Variants in SPON2 observed in about 807,000 individuals in gnomAD.
The protein encoded by SPON2 is spondin-2.
SPON2 carries 32 observed loss-of-function variants against 29.9 expected under a neutral mutation model. The observed-to-expected ratio is 1.07, with a 90% CI of 0.81 to 1.44. The LOEUF is 1.44. SPON2 is among the 40% of genes most tolerant of loss of function. SPON2 has a pLI of 0.00. For synonymous variants in SPON2, 248 were observed against 209.1 expected, an observed-to-expected ratio of 1.19 and a Z score of -1.61; for missense variants, 541 against 455.5, an observed-to-expected ratio of 1.19 and a Z score of -1.71.
rs1030937711 is a variant in SPON2 at position 1,167,075 on chromosome 4, G to T, written c.*397C>A. 3 of 179,836 alleles carry T rather than the reference G, an allele frequency of 1.7e-5. No homozygotes were observed. The allele number at this position is 179,836 out of a possible 1,614,324, so 11.1% of individuals were successfully genotyped here. A position where few individuals can be genotyped will look rare whatever the true frequency, so the allele number is the denominator to read the frequency against. On this transcript the variant is annotated 3_prime_UTR_variant, in exon 6 of 6. Coordinates refer to ENST00000290902, the MANE Select transcript of SPON2 (RefSeq NM_012445.4). ...CCCTCGGGAGAGTGGGCTCAGCACA[G>T]CCTAGAGCACCAGGTCTGAGGTATC...
chr4:1,190,445 G>C (rs1727891366), intron 1 of SPON2, among the ~76,000 whole-genome samples: 1 of 152,132 alleles, frequency 6.6e-6, no homozygotes, highest in South Asian at 2.1e-4. Flanking sequence ...TCAGAGGCCA[G>C]TATTACCCTG....
At chr4:1,186,248 A>AC (rs1727802668) in intron 1 of SPON2, among the ~76,000 whole-genome samples, 2 of 151,962 alleles carry the variant, frequency 1.3e-5, no homozygotes, top group Non-Finnish European at 2.9e-5. Flanking sequence ...CGTCTCAAAA[A>AC]AAAAAAAAAA....
Position 1,171,874 on chromosome 4 carries a change from A to G in SPON2, c.198T>C (p.Pro66=), listed in dbSNP as rs573292587. The part of the protein sequence containing the change: ...FPKQYPLFRP[P]AQWSSLLGAA... ...TACCCAGCAGCGAAGACCACTGCGC[A>G]GGGGGGCGGAACAGGGGGTACTGCT... Residue 66 remains proline (P), a synonymous_variant, in exon 2 of 6, where the codon CCT becomes CCC. Transcript: ENST00000290902. 2 of 1,612,560 alleles carry G rather than the reference A, an allele frequency of 1.2e-6. No individual in the cohort carries two copies. Among genetic ancestry groups the G allele is most frequent in the Admixed American group, 3.3e-5 (2 of 60,002 alleles).
chr4:1,188,210 A>T (rs940553909), intron 1 of SPON2, among the ~76,000 whole-genome samples: 7 of 150,312 alleles, frequency 4.7e-5, no homozygotes, highest in African/African-American at 1.7e-4. Context: ...CTCAAAAAAA[A>T]AAAAAAAAAA....
upstream of SPON2, among the ~76,000 whole-genome samples, chr4:1,174,972 T>G (rs76427570): frequency 3.2e-3 from 494 of 152,322 alleles, 2 homozygotes; most frequent in African/African-American, 0.01. Context: ...GGTGCCCTCA[T>G]GCAATGGGCT....
Position 1,167,515 on chromosome 4 carries a change from T to C in SPON2, c.953A>G (p.Glu318Gly). ...GACGCACTCAGCCTCTTCTTCGAGC[T>C]CGGGGCAGGGGCTCCCGTTGTTGGC... ...QPANNGSPCP[E>G]LEEEAECVPD... Residue 318 changes from glutamate (E) to glycine (G), a missense_variant, in exon 6 of 6, where the codon GAG becomes GGG. Transcript: ENST00000290902. 1 of 1,613,790 alleles carries C rather than the reference T, an allele frequency of 6.2e-7. No individual in the cohort carries two copies. The highest frequency in any genetic ancestry group is 8.5e-7 in the Non-Finnish European group (1 of 1,179,974).
intron 2 of SPON2, 59 bp from the exon 3 acceptor site, chr4:1,171,545 T>C (rs985835785): frequency 5.8e-6 from 9 of 1,538,560 alleles, no homozygotes; most frequent in Non-Finnish European, 8.0e-6. Context: ...CGGGCTTGGA[T>C]TCCAGGGGGC....
intron 1 of SPON2, among the ~76,000 whole-genome samples, chr4:1,182,798 T>G (rs1027888373): frequency 2.0e-5 from 3 of 151,770 alleles, no homozygotes; most frequent in Admixed American, 6.6e-5. Context: ...GGAAGACAGA[T>G]AAAAAGACAG....
At position 1,172,036 on chromosome 4, in the gene SPON2, C is replaced by T. The variant is rs1727476433; in HGVS notation, c.36G>A (p.Lys12=). Residue 12 remains lysine, a synonymous_variant, in exon 2 of 6, where the codon AAG becomes AAA. Transcript: ENST00000290902. ...ENPSPAAALG[K]ALCALLLATL... is the part of the protein sequence containing the mutation. ...TGGCCAGGAGGAGAGCGCAGAGGGC[C>T]TTGCCCAGGGCGGCGGCCGGGCTGG... is the stretch of plus-strand genomic sequence containing the variant. 6.2e-7 allele frequency: 1 copy of T among 1,612,468 alleles called. No individual in the cohort carries two copies. The highest frequency in any genetic ancestry group is 8.5e-7 in the Non-Finnish European group (1 of 1,179,792).
chr4:1,167,671 G>A lies in SPON2; in HGVS notation c.812-15C>T, dbSNP rs771699361. 3 of 1,571,318 alleles carry A rather than the reference G, an allele frequency of 1.9e-6. No individual in the cohort carries two copies. The highest frequency in any genetic ancestry group is 1.7e-4 in the Middle Eastern group (1 of 5,892). On this transcript the variant is annotated splice_polypyrimidine_tract_variant and intron_variant, in intron 5 of 5. Transcript: ENST00000290902. ...CGTTTCTGGAACTGGACCAAGCAAA[G>A]GGGAGACCGAGGTGAACGCTCGCGT... is the stretch of plus-strand genomic sequence containing the variant.
chr4:1,175,582 G>T (rs973797612), upstream of SPON2, among the ~76,000 whole-genome samples: 3 of 150,618 alleles, frequency 2.0e-5, no homozygotes, highest in Non-Finnish European at 4.4e-5. Context: ...GGAGTCTCCA[G>T]CTAAGATATA....
At chr4:1,194,160 G>C (rs1727983148) in intron 1 of SPON2, among the ~76,000 whole-genome samples, 1 of 152,248 alleles carries the variant, frequency 6.6e-6, no homozygotes, top group South Asian at 2.1e-4. Context: ...TGGGGAGAGA[G>C]ACACCCTCCG....
chr4:1,188,528 T>G (rs754759683), intron 1 of SPON2, among the ~76,000 whole-genome samples: 3 of 152,200 alleles, frequency 2.0e-5, no homozygotes, highest in Non-Finnish European at 2.9e-5. Flanking sequence ...CTGGAGTGAC[T>G]GTGACAATAT....
chr4:1,172,425 A>C, intron 1 of SPON2, 119 bp downstream of exon 1: 4 of 384,554 alleles, frequency 1.0e-5, no homozygotes, highest in East Asian at 6.1e-5. Context: ...TAGACCCTTA[A>C]AGCTCGGTCG....
Position 1,202,825 on chromosome 4 carries a change from C to T in SPON2, c.-234+5055G>A, listed in dbSNP as rs1026926264. The stretch of plus-strand genomic sequence containing the variant: ...ACCATCGCCTGCAGTGTCAGCGCCC[C>T]GTGGATGCCGTCAAGGCCCCCCGCA... On this transcript the variant is annotated intron_variant, in intron 1 of 3. Transcript: ENST00000509233. This position sits in a 1 kb window ranked among gnomAD's most constrained non-coding sequence, Gnocchi z 5.4. 4.6e-5 allele frequency among the ~76,000 whole-genome samples: 7 copies of T among 152,316 alleles called. No homozygotes were observed. The highest frequency in any genetic ancestry group is 7.4e-5 in the Non-Finnish European group (5 of 68,026).
At chr4:1,203,551 AC>A (rs1577001535) in intron 1 of SPON2, among the ~76,000 whole-genome samples, 2 of 152,200 alleles carry the variant, frequency 1.3e-5, no homozygotes, top group East Asian at 3.9e-4. Context: ...GAATAATGCT[AC>A]CAGGAACATT....
chr4:1,167,529 C>A lies in SPON2; in HGVS notation c.939G>T (p.Gly313=), dbSNP rs780272581. ...CTTCTTCGAGCTCGGGGCAGGGGCT[C>A]CCGTTGTTGGCGGGCTGGACCCGGA... is the stretch of plus-strand genomic sequence containing the variant. The part of the protein sequence containing the change: ...RYVRVQPANN[G]SPCPELEEEA... The change falls in exon 6 of 6, where the codon GGG becomes GGT. Residue 313 remains glycine (G), a synonymous_variant. Transcript: ENST00000290902. The A allele has an allele frequency of 2.5e-6, 4 of 1,613,828 alleles. No individual in the cohort carries two copies. In the East Asian group the frequency reaches 8.9e-5, roughly 36 times the overall value.
chr4:1,192,271 G>A (rs1449756272), intron 1 of SPON2, among the ~76,000 whole-genome samples: 3 of 152,260 alleles, frequency 2.0e-5, no homozygotes, highest in East Asian at 1.9e-4. Context: ...CAGCTCTACT[G>A]AGTGTGGGAC....
At chr4:1,198,304 C>T (rs560976300), upstream of SPON2, among the ~76,000 whole-genome samples, 7 of 152,150 alleles carry the variant, frequency 4.6e-5, no homozygotes, top group Admixed American at 2.6e-4. Flanking sequence ...CTGGAGAGGG[C>T]GAGAGCTGAG....
Sources: gnomAD v4.1 joint callset for allele counts (sites outside exome capture counted in the v4.1 genomes callset) on GRCh38, gnomAD v4.1.1 for gene constraint, Gnocchi (gnomAD v3.1) non-coding constraint, MANE v1.5 for transcripts, NCBI Gene and HGNC (gene_info 2026-07-23, HGNC 2026-07-21) for gene names.